The following DDX5 variants were observed in gnomAD, a reference collection of about 807,000 sequenced individuals.
DDX5 encodes DEAD-box helicase 5.
In DDX5, 6 loss-of-function variants were observed where a neutral mutation model predicts 68.6. The observed-to-expected ratio is 0.09, with a 90% CI of 0.05 to 0.17. The LOEUF (loss-of-function observed/expected upper bound fraction) is 0.17, where lower values mean the gene tolerates loss of function less well. DDX5 is among the 10% of genes least tolerant of loss of function. The pLI, the probability that DDX5 is intolerant of heterozygous loss-of-function variation, is 1.00. For synonymous variants in DDX5, 350 were observed against 247.0 expected (o/e 1.42, Z -3.91); for missense variants, 499 against 756.1 (o/e 0.66, Z 3.99).
At chr17:64,502,845 A>G (rs1201946184) in intron 8 of DDX5, 81 bp downstream of exon 8, 9 of 1,388,908 alleles carry the variant, frequency 6.5e-6, no homozygotes, top group South Asian at 2.9e-5. Context: ...AAATAACCTA[A>G]AACAACTCAC....
At chr17:64,506,730 A>G (rs967753464), upstream of DDX5, 2 of 418,818 alleles carry the variant, frequency 4.8e-6, no homozygotes, top group Non-Finnish European at 4.3e-6. Flanking sequence ...ACGTCGGCGG[A>G]GGGATACAAA....
At chr17:64,506,024 G>GCCCCCC in intron 1 of DDX5, 52 bp downstream of exon 1, 1 of 708,150 alleles carries the variant, frequency 1.4e-6, no homozygotes, top group South Asian at 2.9e-5. Flanking sequence ...ACCCTGACCC[G>GCCCCCC]CCCTCCCATC....
Position 64,502,845 on chromosome 17 carries a change from A to C in DDX5, c.983+81T>G, listed in dbSNP as rs1201946184. On this transcript the variant is annotated intron_variant, in intron 8 of 12. Coordinates refer to ENST00000225792, the MANE Select transcript of DDX5 (RefSeq NM_004396.5). ...AAATCACACCAACTGAAATAACCTAAAACAACTCACCAAACAATGATCCCT... is the reference window on the plus strand; with the variant it reads ...AAATCACACCAACTGAAATAACCTACAACAACTCACCAAACAATGATCCCT... 3.6e-6 allele frequency: 5 copies of C among 1,388,908 alleles called. No homozygotes were observed. The Admixed American group carries it at 7.3e-5, about 20-fold the overall frequency. 86.0% of individuals were successfully genotyped at this position (1,388,908 alleles called of 1,614,324 possible).
At chr17:64,506,619 C>CA, upstream of DDX5, 1 of 389,274 alleles carries the variant, frequency 2.6e-6, no homozygotes, top group Non-Finnish European at 4.8e-6. Flanking sequence ...AAAGAGCCCT[C>CA]ACGTCTGTAA....
In DDX5 at chr17:64,502,154, A is replaced by G. The variant is rs782687314; in HGVS notation, c.1156+8T>C. On this transcript the variant is annotated splice_region_variant and intron_variant, in intron 10 of 12. Coordinates refer to ENST00000225792, the MANE Select transcript of DDX5 (RefSeq NM_004396.5). ...AAGGGGGAAAAATACTTCATTTGAAATATTTACCATTTAGAACCCAGTCAC... is the reference window on the plus strand; with the variant it reads ...AAGGGGGAAAAATACTTCATTTGAAGTATTTACCATTTAGAACCCAGTCAC... 1 of 1,613,726 alleles carries G rather than the reference A, an allele frequency of 6.2e-7. No homozygotes were observed. The highest frequency in any genetic ancestry group is 8.5e-7 in the Non-Finnish European group (1 of 1,179,774).
At position 64,502,087 on chromosome 17, in the gene DDX5, T is replaced by C. The variant is rs782286568; in HGVS notation, c.1157-18A>G. The C allele has an allele frequency of 4.3e-6, 7 of 1,613,958 alleles. No homozygotes were observed. Among genetic ancestry groups the C allele is most frequent in the African/African-American group, 2.7e-5 (2 of 74,908 alleles). ...TTTGAATTCTACAAAGGAAGGCATA[T>C]ACATGATCAATTATCTGAGCAGAAT... On this transcript the variant is annotated intron_variant, in intron 10 of 12. Coordinates refer to ENST00000225792, the MANE Select transcript of DDX5 (RefSeq NM_004396.5).
At chr17:64,500,441 T>G (rs781991429) in intron 12 of DDX5, 108 bp downstream of exon 12, 1 of 1,523,828 alleles carries the variant, frequency 6.6e-7, no homozygotes, top group Non-Finnish European at 8.9e-7. Flanking sequence ...ATTTTTCAGC[T>G]TAAGTTTTCA....
chr17:64,505,015 T>G, intron 1 of DDX5, 173 bp from the exon 2 acceptor site: 1 of 568,490 alleles, frequency 1.8e-6, no homozygotes, highest in Non-Finnish European at 3.0e-6. Flanking sequence ...CAGTTAACAT[T>G]TCCCGTAGTC....
intron 1 of DDX5, chr17:64,505,469 G>A (rs1255896552): frequency 1.1e-5 from 6 of 562,664 alleles, no homozygotes; most frequent in Non-Finnish European, 1.9e-5. Context: ...GGGCGGAGTC[G>A]GCCGGGCGGC....
Position 64,506,183 on chromosome 17 carries a change from A to T in DDX5, c.-64T>A, listed in dbSNP as rs782796025. 50 of 1,586,748 alleles carry T rather than the reference A, an allele frequency of 3.2e-5. 1 individual carries two copies. The South Asian group carries it at 4.8e-4, about 15-fold the overall frequency. The stretch of plus-strand genomic sequence containing the variant: ...AGAAAAGCGTGCGACAAGTCGCTGG[A>T]AATGGCCTCGATGACGGCGAAGCCT... On this transcript the variant is annotated 5_prime_UTR_variant, in exon 1 of 13. Coordinates refer to ENST00000225792, the MANE Select transcript of DDX5 (RefSeq NM_004396.5).
At chr17:64,503,651 T>A in intron 5 of DDX5, 80 bp from the exon 6 acceptor site, 1 of 1,577,054 alleles carries the variant, frequency 6.3e-7, no homozygotes. Context: ...GCAGATCCTT[T>A]CTTCATGTGT....
Position 64,503,362 on chromosome 17 carries a change from C to T in DDX5, c.650-14G>A, listed in dbSNP as rs201417434. On this transcript the variant is annotated splice_polypyrimidine_tract_variant and intron_variant, in intron 6 of 12. Transcript: ENST00000225792. ...AGATTTCCACACCTTTAATTAAATACGTAAGTGTAACTACAATACCTAGGA... is the reference window on the plus strand; with the variant it reads ...AGATTTCCACACCTTTAATTAAATATGTAAGTGTAACTACAATACCTAGGA... 2,075 of 1,614,064 alleles carry T rather than the reference C, an allele frequency of 1.3e-3. 2 individuals are homozygous for T. Among genetic ancestry groups the T allele is most frequent in the Middle Eastern group, 2.6e-3 (16 of 6,062 alleles).
At chr17:64,504,971 C>A (rs1213399689) in intron 1 of DDX5, 129 bp from the exon 2 acceptor site, 6 of 775,732 alleles carry the variant, frequency 7.7e-6, no homozygotes, top group Non-Finnish European at 7.7e-6. Flanking sequence ...CTAGCACTGT[C>A]CTTCGTGAAA....
Position 64,503,794 on chromosome 17 carries a change from T to C in DDX5, c.507+9A>G, listed in dbSNP as rs782269843. The stretch of plus-strand genomic sequence containing the variant: ...TGCTTCTAATAAAAAGTTAAAAATA[T>C]ATACTTACAATAGGCCCATCGCCTC... On this transcript the variant is annotated intron_variant, in intron 5 of 12. Coordinates refer to ENST00000225792, the MANE Select transcript of DDX5 (RefSeq NM_004396.5). The C allele has an allele frequency of 1.4e-5, 22 of 1,609,980 alleles. No homozygotes were observed. Among genetic ancestry groups the C allele is most frequent in the Non-Finnish European group, 6.8e-6 (8 of 1,178,630 alleles).
In DDX5 at chr17:64,499,187, A is replaced by G. The variant is rs530741461; in HGVS notation, c.*736T>C. On this transcript the variant is annotated 3_prime_UTR_variant, in exon 13 of 13. Transcript: ENST00000225792. ...AGTAATTCACAGTATAGCCAAGAGC[A>G]TGAGTATAAGTCTCTTGAAAAAGCC... is the stretch of plus-strand genomic sequence containing the variant. 1.3e-5 allele frequency among the ~76,000 whole-genome samples: 2 copies of G among 151,872 alleles called. No individual in the cohort carries two copies. Among genetic ancestry groups the G allele is most frequent in the East Asian group, 3.9e-4 (2 of 5,188 alleles).
intron 9 of DDX5, 80 bp from the exon 10 acceptor site, chr17:64,502,303 A>T (rs140855073): frequency 6.6e-6 from 10 of 1,520,090 alleles, no homozygotes; most frequent in Middle Eastern, 1.7e-4. Flanking sequence ...TTGGTCACAG[A>T]TCTCTTTAAT....
At position 64,502,193 on chromosome 17, in the gene DDX5, C is replaced by T; in HGVS notation, c.1125G>A (p.Lys375=). The T allele has an allele frequency of 1.2e-6, 2 of 1,614,138 alleles. No individual in the cohort carries two copies. Among genetic ancestry groups the T allele is most frequent in the Non-Finnish European group, 1.7e-6 (2 of 1,180,024 alleles). The change falls in exon 10 of 13, where the codon AAG becomes AAA. Residue 375 remains lysine (K), a synonymous_variant. Transcript: ENST00000225792. ...GWPAMGIHGD[K]SQQERDWVLN... is the part of the protein sequence containing the mutation. ...GAACCCAGTCACGCTCTTGTTGACT[C>T]TTGTCACCATGGATACCCATGGCAG...
Position 64,506,195 on chromosome 17 carries a change from T to A in DDX5, c.-76A>T, listed in dbSNP as rs781890879. On this transcript the variant is annotated 5_prime_UTR_variant, in exon 1 of 13. Transcript: ENST00000225792. ...GACAAGTCGCTGGAAATGGCCTCGA[T>A]GACGGCGAAGCCTTGCGGGGGCGGC... is the stretch of plus-strand genomic sequence containing the variant. 60 of 1,575,446 alleles carry A rather than the reference T, an allele frequency of 3.8e-5. No individual in the cohort carries two copies. The highest frequency in any genetic ancestry group is 5.0e-5 in the Non-Finnish European group (58 of 1,160,638).
In DDX5 at chr17:64,499,045, A is replaced by G. The variant is rs137921159; in HGVS notation, c.*878T>C. 7.9e-3 allele frequency among the ~76,000 whole-genome samples: 1,200 copies of G among 152,332 alleles called. 24 individuals are homozygous for G. Among genetic ancestry groups the G allele is most frequent in the African/African-American group, 0.028 (1,153 of 41,556 alleles). On this transcript the variant is annotated 3_prime_UTR_variant, in exon 13 of 13. Transcript: ENST00000225792. ...TAAGAGCCCCAGGGAGCCTGTGAAG[A>G]CTAGAATCTACAAGTAACCTGCACT...
Sources: gnomAD v4.1 joint callset for allele counts (sites outside exome capture counted in the v4.1 genomes callset) on GRCh38, gnomAD v4.1.1 for gene constraint, MANE v1.5 for transcripts, NCBI Gene and HGNC (gene_info 2026-07-23, HGNC 2026-07-21) for gene names.